Variants in EPS15 observed in about 807,000 individuals in gnomAD.
The protein encoded by EPS15 is epidermal growth factor receptor substrate 15.
EPS15 carries 72 observed loss-of-function variants against 113.8 expected under a neutral mutation model. The ratio of observed to expected loss-of-function variants is 0.63; its 90% CI spans 0.52 to 0.77. The LOEUF is 0.77. EPS15 is among the 30% of genes least tolerant of loss of function. The probability of loss-of-function intolerance (pLI) is 0.00; values close to 1 mark genes in which losing one functional copy is unlikely to be tolerated. For synonymous variants in EPS15, 344 were observed against 363.4 expected (o/e 0.95, Z 0.61); for missense variants, 1,048 against 1,045.8 (o/e 1.00, Z -0.03).
At chr1:51,432,958 G>T (rs529469199) in intron 12 of EPS15, among the ~76,000 whole-genome samples, 1 of 152,236 alleles carries the variant, frequency 6.6e-6, no homozygotes, top group South Asian at 2.1e-4. Flanking sequence ...CATCAAGTTG[G>T]ATCATAAGCA....
chr1:51,477,359 T>A (rs1446209562), intron 2 of EPS15, among the ~76,000 whole-genome samples: 3 of 152,318 alleles, frequency 2.0e-5, no homozygotes, highest in African/African-American at 7.2e-5. Context: ...TCTTTATTAG[T>A]TTTGCTAGTG....
Position 51,377,478 on chromosome 1 carries a change from G to A in EPS15, c.2120-11449C>T, listed in dbSNP as rs116832034. 1.5e-3 allele frequency among the ~76,000 whole-genome samples: 234 copies of A among 152,308 alleles called. 1 individual carries two copies. Among genetic ancestry groups the A allele is most frequent in the African/African-American group, 5.3e-3 (222 of 41,562 alleles). On this transcript the variant is annotated intron_variant, in intron 21 of 24. Transcript: ENST00000371733. Reference sequence around the variant, plus strand: ...TGTGACTGAATTGCTGAAATCTCATGATAAAACTGGAACCAAAGAGGAGTT... The same window carrying A: ...TGTGACTGAATTGCTGAAATCTCATAATAAAACTGGAACCAAAGAGGAGTT...
At chr1:51,372,739 A>C in intron 21 of EPS15, 1 of 413,016 alleles carries the variant, frequency 2.4e-6, no homozygotes, top group Non-Finnish European at 4.7e-6. Context: ...GTGGCTAATG[A>C]AACTGGAGCA....
intron 9 of EPS15, among the ~76,000 whole-genome samples, chr1:51,447,641 TA>T (rs1653176138): frequency 6.6e-6 from 1 of 151,882 alleles, no homozygotes; most frequent in African/African-American, 2.4e-5. Context: ...TAAACAAAAA[TA>T]AAAACAACTA....
At chr1:51,443,748 G>A (rs1231919403) in intron 11 of EPS15, among the ~76,000 whole-genome samples, 1 of 151,718 alleles carries the variant, frequency 6.6e-6, no homozygotes, top group East Asian at 1.9e-4. Context: ...AAACTCCTGG[G>A]TTCAAGTGAT....
chr1:51,423,123 G>C (rs184061946), intron 12 of EPS15: 1 of 1,028,828 alleles, frequency 9.7e-7, no homozygotes, highest in East Asian at 6.1e-5. Flanking sequence ...ATGTTCTTAA[G>C]ATGTCTATGG....
intron 11 of EPS15, among the ~76,000 whole-genome samples, chr1:51,441,943 C>T (rs1211220240): frequency 6.6e-6 from 1 of 152,070 alleles, no homozygotes; most frequent in Admixed American, 6.6e-5. Context: ...TAAAATTTGG[C>T]AAGTAATTCC....
At chr1:51,376,124 G>T (rs1352206536) in intron 21 of EPS15, among the ~76,000 whole-genome samples, 3 of 152,234 alleles carry the variant, frequency 2.0e-5, no homozygotes, top group African/African-American at 4.8e-5. Flanking sequence ...TCAATGTCTG[G>T]CTTTGAAGCA....
intron 1 of EPS15, among the ~76,000 whole-genome samples, chr1:51,481,945 G>A (rs1392298726): frequency 1.3e-5 from 2 of 152,128 alleles, no homozygotes; most frequent in African/African-American, 4.8e-5. Flanking sequence ...TGAGGCAGGA[G>A]GACTGCTTGA....
At chr1:51,363,728 A>C in intron 23 of EPS15, 138 bp downstream of exon 23, 1 of 661,904 alleles carries the variant, frequency 1.5e-6, no homozygotes, top group Non-Finnish European at 2.4e-6. Context: ...TTAGGTCAGA[A>C]TGAATGACAG....
chr1:51,508,244 G>GAAAAAAAAAGAAA, intron 1 of EPS15, among the ~76,000 whole-genome samples: 1 of 48,568 alleles, frequency 2.1e-5, no homozygotes, highest in Non-Finnish European at 4.4e-5. Flanking sequence ...AAAAGAAAGA[G>GAAAAAAAAAGAAA]AGAAAGAGAG....
At chr1:51,417,222 A>G (rs970117940) in intron 13 of EPS15, among the ~76,000 whole-genome samples, 2 of 152,222 alleles carry the variant, frequency 1.3e-5, no homozygotes, top group African/African-American at 4.8e-5. Flanking sequence ...AAACATGGAC[A>G]AGTACTCTGA....
chr1:51,489,303 A>ATATATATATATATATATG (rs1360006242), intron 1 of EPS15, among the ~76,000 whole-genome samples: 2 of 140,090 alleles, frequency 1.4e-5, no homozygotes, highest in African/African-American at 5.5e-5. Context: ...ATATATATAT[A>ATATATATATATATATATG]TATGTATGTA....
chr1:51,430,267 T>C (rs2148461162), intron 12 of EPS15, among the ~76,000 whole-genome samples: 1 of 152,154 alleles, frequency 6.6e-6, no homozygotes, highest in South Asian at 2.1e-4. Flanking sequence ...GACCTTTCAT[T>C]CTAAGAATTC....
chr1:51,369,858 C>G (rs1175395472), intron 21 of EPS15, among the ~76,000 whole-genome samples: 1 of 152,108 alleles, frequency 6.6e-6, no homozygotes, highest in African/African-American at 2.4e-5. Flanking sequence ...TCCTCAAGGC[C>G]TAGCACAAGG....
intron 11 of EPS15, among the ~76,000 whole-genome samples, chr1:51,442,463 C>A (rs1652667494): frequency 6.6e-6 from 1 of 152,044 alleles, no homozygotes; most frequent in South Asian, 2.1e-4. Flanking sequence ...ATTAGTTTAA[C>A]CTCAAACAAG....
intron 12 of EPS15, among the ~76,000 whole-genome samples, chr1:51,428,482 A>G (rs978122492): frequency 1.3e-5 from 2 of 149,878 alleles, no homozygotes; most frequent in African/African-American, 5.1e-5. Flanking sequence ...TGTGACATCA[A>G]TAACATAACA....
In EPS15 at chr1:51,463,639, T is replaced by C. The variant is rs754708981; in HGVS notation, c.501+34A>G. 3 of 1,360,892 alleles carry C rather than the reference T, an allele frequency of 2.2e-6. No homozygotes were observed. In the Admixed American group the frequency reaches 5.6e-5, roughly 25 times the overall value. 84.3% of individuals were successfully genotyped at this position (1,360,892 alleles called of 1,614,324 possible). ...ATAATAGATATAAAATTAAAATACA[T>C]AAAAATTACATTTCGGAGTAAATAA... On this transcript the variant is annotated intron_variant, in intron 7 of 24. Coordinates refer to ENST00000371733, the MANE Select transcript of EPS15 (RefSeq NM_001981.3).
intron 6 of EPS15, among the ~76,000 whole-genome samples, chr1:51,464,722 T>C (rs538753576): frequency 6.6e-6 from 1 of 152,270 alleles, no homozygotes; most frequent in Non-Finnish European, 1.5e-5. Context: ...TTTTAAAACT[T>C]AGTGCCCAGT....
Sources: allele counts gnomAD v4.1 joint callset (sites outside exome capture counted in the v4.1 genomes callset), GRCh38; gene constraint gnomAD v4.1.1; transcripts MANE v1.5; gene names NCBI Gene and HGNC (gene_info 2026-07-23, HGNC 2026-07-21).